The following RBFOX1 variants were observed in gnomAD, a reference collection of about 807,000 sequenced individuals.
RBFOX1 encodes RNA binding protein fox-1 homolog 1.
A neutral mutation model predicts 57.7 loss-of-function variants in RBFOX1; 8 were observed. The ratio of observed to expected loss-of-function variants is 0.14; its 90% confidence interval spans 0.08 to 0.25. The LOEUF (loss-of-function observed/expected upper bound fraction) is 0.25, where lower values mean the gene tolerates loss of function less well. Ranked by LOEUF, RBFOX1 falls within the 10% of genes least tolerant of loss-of-function variation. The probability of loss-of-function intolerance (pLI) is 1.00; values close to 1 mark genes in which losing one functional copy is unlikely to be tolerated. For synonymous variants in RBFOX1, 326 were observed against 222.4 expected (o/e 1.47, Z -4.15); for missense variants, 611 against 548.5 (o/e 1.11, Z -1.14).
intron 1 of RBFOX1, among the ~76,000 whole-genome samples, chr16:6,112,597 A>C (rs145559412): frequency 1.1e-3 from 168 of 152,312 alleles, no homozygotes; most frequent in African/African-American, 4.0e-3. Flanking sequence ...AGGCTGAGGC[A>C]GGATAATCGT....
chr16:5,440,367 A>G (rs554379151), intron 1 of RBFOX1, among the ~76,000 whole-genome samples: 23 of 152,326 alleles, frequency 1.5e-4, no homozygotes, highest in African/African-American at 5.5e-4. Flanking sequence ...AATTTCTGCC[A>G]AGTATCACAA....
At chr16:7,030,671 A>G (rs567381711) in intron 3 of RBFOX1, among the ~76,000 whole-genome samples, 66 of 151,896 alleles carry the variant, frequency 4.3e-4, no homozygotes, top group Non-Finnish European at 7.9e-4. Flanking sequence ...TCCTTACCTT[A>G]TTTACATCTG....
chr16:6,657,095 T>G, intron 3 of RBFOX1, among the ~76,000 whole-genome samples: 1 of 46,996 alleles, frequency 2.1e-5, no homozygotes. Context: ...CTCCTCCCCT[T>G]TACTCTCCTC....
chr16:6,377,675 C>G (rs562648689), intron 2 of RBFOX1, among the ~76,000 whole-genome samples: 1 of 152,328 alleles, frequency 6.6e-6, no homozygotes, highest in East Asian at 1.9e-4. Flanking sequence ...CTTTGCTGTT[C>G]TACCCTCTAC....
chr16:5,794,135 G>T (rs2054796319), intron 3 of RBFOX1, among the ~76,000 whole-genome samples: 2 of 152,052 alleles, frequency 1.3e-5, no homozygotes, highest in South Asian at 4.2e-4. Context: ...TAATCTCTTG[G>T]GGCTTTTTCT....
chr16:5,616,033 C>G (rs1323952194), intron 3 of RBFOX1: 1 of 152,514 alleles, frequency 6.6e-6, no homozygotes, highest in Admixed American at 6.5e-5. Context: ...GATCTGAACC[C>G]AGAGCTCTTC....
chr16:6,687,217 G>C (rs2059563936), intron 3 of RBFOX1, among the ~76,000 whole-genome samples: 1 of 152,134 alleles, frequency 6.6e-6, no homozygotes, highest in Non-Finnish European at 1.5e-5. Context: ...TTCTGACTTA[G>C]AAGTAGGAGC....
chr16:5,736,399 G>A (rs2052573012), intron 3 of RBFOX1, among the ~76,000 whole-genome samples: 1 of 152,064 alleles, frequency 6.6e-6, no homozygotes, highest in South Asian at 2.1e-4. Flanking sequence ...CACTGGGTGT[G>A]GGGTGATGGG....
intron 4 of RBFOX1, among the ~76,000 whole-genome samples, chr16:7,135,140 A>T (rs1357196609): frequency 1.3e-5 from 2 of 152,104 alleles, no homozygotes; most frequent in East Asian, 3.9e-4. Flanking sequence ...TAGAAAAGGA[A>T]TTTCTGAGTT....
intron 4 of RBFOX1, among the ~76,000 whole-genome samples, chr16:7,366,757 A>G (rs2097457440): frequency 6.6e-6 from 1 of 152,126 alleles, no homozygotes. Flanking sequence ...TTCAAGAGTA[A>G]GCAGAGAAAA....
At position 5,944,790 on chromosome 16, in the gene RBFOX1, T is replaced by TAA. The variant is rs60749168; in HGVS notation, c.351+77473_351+77474dup. Among the ~76,000 whole-genome samples, 136 of 41,258 alleles carry TAA rather than the reference T, an allele frequency of 3.3e-3. 29 individuals are homozygous for TAA. In the South Asian group the frequency reaches 0.054, roughly 16 times the overall value. The allele number at this position is 41,258 out of a possible 152,430, so 27.1% of individuals were successfully genotyped here. On this transcript the variant is annotated intron_variant, in intron 4 of 19. Transcript: ENST00000641259. ...CAACTTGGTGAAACCCTGTCTCTGC[T>TAA]AAAAAAAAAAAAAAAAAAATTAGCT...
intron 2 of RBFOX1, among the ~76,000 whole-genome samples, chr16:5,490,393 G>T (rs1315263853): frequency 1.3e-5 from 2 of 152,198 alleles, no homozygotes; most frequent in Non-Finnish European, 2.9e-5. Flanking sequence ...CTGGAACCAG[G>T]ACTTGAACCC....
intron 14 of RBFOX1, among the ~76,000 whole-genome samples, chr16:7,704,485 G>GT (rs2081795419): frequency 6.6e-6 from 1 of 152,136 alleles, no homozygotes; most frequent in Admixed American, 6.5e-5. Flanking sequence ...TTCAAAAAGC[G>GT]TATCTGAATG....
At chr16:6,466,161 AGAGGTTGCAAGTGAGCT>A (rs1422378858) in intron 2 of RBFOX1, among the ~76,000 whole-genome samples, 2 of 151,534 alleles carry the variant, frequency 1.3e-5, no homozygotes, top group Non-Finnish European at 2.9e-5. Flanking sequence ...CCCGGGAGGC[AGAGGTTGCAAGTGAGCT>A]GAGGTTGCAC....
intron 1 of RBFOX1, among the ~76,000 whole-genome samples, chr16:6,039,149 C>A (rs191047575): frequency 6.6e-6 from 1 of 151,364 alleles, no homozygotes; most frequent in African/African-American, 2.4e-5. Flanking sequence ...AGTGGAAAAC[C>A]AGCTGGGATG....
At chr16:5,426,535 C>T (rs781430038) in intron 1 of RBFOX1, among the ~76,000 whole-genome samples, 1 of 152,176 alleles carries the variant, frequency 6.6e-6, no homozygotes, top group African/African-American at 2.4e-5. Context: ...TCCAGGGATG[C>T]CACAGACTGT....
At chr16:7,254,394 G>C (rs2094596335) in intron 4 of RBFOX1, among the ~76,000 whole-genome samples, 1 of 152,066 alleles carries the variant, frequency 6.6e-6, no homozygotes, top group African/African-American at 2.4e-5. Context: ...ACATTTCTTA[G>C]ATTATCCAAG....
At chr16:7,239,380 T>C (rs1221607583) in intron 4 of RBFOX1, among the ~76,000 whole-genome samples, 1 of 152,184 alleles carries the variant, frequency 6.6e-6, no homozygotes, top group Non-Finnish European at 1.5e-5. Context: ...ATGCCTGTAA[T>C]CCCAGTTACT....
chr16:5,310,124 G>A (rs891687008), intron 1 of RBFOX1, among the ~76,000 whole-genome samples: 13 of 152,146 alleles, frequency 8.5e-5, no homozygotes, highest in African/African-American at 3.1e-4. Context: ...TGAGTGTAGA[G>A]GTAAAAAGTG....
Sources: allele counts gnomAD v4.1 joint callset (sites outside exome capture counted in the v4.1 genomes callset), GRCh38; gene constraint gnomAD v4.1.1; transcripts MANE v1.5; gene names NCBI Gene and HGNC (gene_info 2026-07-23, HGNC 2026-07-21).